Variants in ADGRL2 observed in about 807,000 individuals in gnomAD.
ADGRL2 encodes the protein calcium-independent alpha-latrotoxin receptor 2.
In ADGRL2, 44 loss-of-function variants were observed where a neutral mutation model predicts 157.4. The ratio of observed to expected loss-of-function variants is 0.28; its 90% CI spans 0.22 to 0.36. ADGRL2 has a LOEUF of 0.36. ADGRL2 is among the 10% of genes least tolerant of loss of function. The pLI, the probability that ADGRL2 is intolerant of heterozygous loss-of-function variation, is 1.00. For synonymous variants in ADGRL2, 585 were observed against 624.7 expected (o/e 0.94, Z 0.95); for missense variants, 1,510 against 1,768.9 (o/e 0.85, Z 2.63).
At position 81,550,266 on chromosome 1, in the gene ADGRL2, A is replaced by G. The variant is rs74098410; in HGVS notation, c.-247-30610A>G. ...TTTGTATAATTCTTAACAATTTGCAAAGCCTTTTGTAAAGCTAGAATCTCA... is the reference window on the plus strand; with the variant it reads ...TTTGTATAATTCTTAACAATTTGCAGAGCCTTTTGTAAAGCTAGAATCTCA... On this transcript the variant is annotated intron_variant, in intron 2 of 24. Coordinates refer to the ADGRL2 transcript ENST00000370721. Among the ~76,000 whole-genome samples the G allele has an allele frequency of 3.3e-3, 505 of 152,312 alleles. 3 individuals are homozygous for G. The highest frequency in any genetic ancestry group is 0.012 in the African/African-American group (479 of 41,584).
At chr1:81,818,130 A>G (rs559864095) in intron 1 of ADGRL2, among the ~76,000 whole-genome samples, 3 of 151,990 alleles carry the variant, frequency 2.0e-5, no homozygotes, top group African/African-American at 7.3e-5. Flanking sequence ...CAATCTTGCT[A>G]CTACACTCCA....
At chr1:81,801,316 G>A (rs554132656) in intron 1 of ADGRL2, among the ~76,000 whole-genome samples, 8 of 152,280 alleles carry the variant, frequency 5.3e-5, no homozygotes, top group African/African-American at 1.7e-4. Context: ...CCAACTGGCG[G>A]GGAGGGCGGA....
intron 1 of ADGRL2, among the ~76,000 whole-genome samples, chr1:81,312,561 T>G (rs1659830557): frequency 6.6e-6 from 1 of 152,232 alleles, no homozygotes; most frequent in Non-Finnish European, 1.5e-5. Context: ...ACATATGGAT[T>G]TTCTACCCAT....
intron 1 of ADGRL2, among the ~76,000 whole-genome samples, chr1:81,311,137 A>G (rs1051977698): frequency 2.6e-5 from 4 of 152,226 alleles, no homozygotes; most frequent in Non-Finnish European, 5.9e-5. Flanking sequence ...TAGACTGGAC[A>G]GTTAACATAT....
chr1:81,888,688 G>A lies in ADGRL2; in HGVS notation c.74-18329G>A, dbSNP rs1362845430. On this transcript the variant is annotated intron_variant, in intron 2 of 23. Coordinates refer to ENST00000686636, the MANE Select transcript of ADGRL2 (RefSeq NM_001366006.2). ...AGGATGTTCTCGATCTCCTGACCTCGTGATCTGCCCCCCTTGGCCTCCCAA... is the reference window on the plus strand; with the variant it reads ...AGGATGTTCTCGATCTCCTGACCTCATGATCTGCCCCCCTTGGCCTCCCAA... 3.9e-5 allele frequency among the ~76,000 whole-genome samples: 6 copies of A among 152,174 alleles called. No homozygotes were observed. The South Asian group carries it at 8.3e-4, about 21-fold the overall frequency.
intron 2 of ADGRL2, among the ~76,000 whole-genome samples, chr1:81,536,692 A>G (rs1306568923): frequency 6.6e-6 from 1 of 152,088 alleles, no homozygotes; most frequent in Non-Finnish European, 1.5e-5. Flanking sequence ...TTTGTTTTTA[A>G]CAAACATGAT....
intron 2 of ADGRL2, among the ~76,000 whole-genome samples, chr1:81,508,465 C>T (rs1174814796): frequency 1.3e-5 from 2 of 152,220 alleles, no homozygotes; most frequent in East Asian, 1.9e-4. Context: ...GCTCATGAGG[C>T]ATTACAAACG....
chr1:81,830,203 C>T (rs61773938), intron 1 of ADGRL2, among the ~76,000 whole-genome samples: 7,418 of 152,082 alleles, frequency 0.049, 241 homozygotes, highest in South Asian at 0.083. Flanking sequence ...AACACAGGAC[C>T]AGTTAATACA....
intron 2 of ADGRL2, among the ~76,000 whole-genome samples, chr1:81,446,221 C>A (rs1205343450): frequency 6.6e-6 from 1 of 152,144 alleles, no homozygotes; most frequent in Admixed American, 6.5e-5. Context: ...GGGGTGCCTG[C>A]CAGCCCGGCG....
chr1:81,651,062 A>C (rs2082410270), intron 3 of ADGRL2, among the ~76,000 whole-genome samples: 1 of 152,206 alleles, frequency 6.6e-6, no homozygotes, highest in Admixed American at 6.5e-5. Context: ...TTACAGAAAA[A>C]TCCAAGCTGT....
intron 9 of ADGRL2, 72 bp from the exon 10 acceptor site, chr1:81,952,915 A>G: frequency 1.6e-6 from 2 of 1,232,206 alleles, no homozygotes; most frequent in South Asian, 1.2e-5. Flanking sequence ...TTAATTTTTG[A>G]GGATTTCTTC....
At chr1:81,512,057 A>G (rs1330812102) in intron 2 of ADGRL2, among the ~76,000 whole-genome samples, 1 of 152,144 alleles carries the variant, frequency 6.6e-6, no homozygotes, top group Non-Finnish European at 1.5e-5. Context: ...GTGCTAAAAG[A>G]GCAAATGAGG....
intron 2 of ADGRL2, among the ~76,000 whole-genome samples, chr1:81,462,257 A>G (rs935608569): frequency 2.0e-5 from 3 of 152,186 alleles, no homozygotes; most frequent in African/African-American, 7.2e-5. Flanking sequence ...GCCGTGCCAA[A>G]TAAGAGAATA....
At chr1:81,838,866 A>G (rs957063272) in intron 2 of ADGRL2, among the ~76,000 whole-genome samples, 1 of 152,042 alleles carries the variant, frequency 6.6e-6, no homozygotes, top group Admixed American at 6.6e-5. Context: ...TCATCAGGCC[A>G]GGGGGTATTG....
intron 3 of ADGRL2, among the ~76,000 whole-genome samples, chr1:81,685,089 T>C (rs372821414): frequency 2.3e-4 from 35 of 152,318 alleles, no homozygotes; most frequent in South Asian, 1.0e-3. Flanking sequence ...GATTTGTTCT[T>C]TTTGCTTAGT....
At chr1:81,340,435 A>G (rs561489344) in intron 1 of ADGRL2, among the ~76,000 whole-genome samples, 1 of 152,014 alleles carries the variant, frequency 6.6e-6, no homozygotes, top group South Asian at 2.1e-4. Flanking sequence ...TACAGAAGCA[A>G]TTTTTTCTCT....
chr1:81,860,875 T>C (rs745473159), intron 2 of ADGRL2, among the ~76,000 whole-genome samples: 4 of 152,218 alleles, frequency 2.6e-5, no homozygotes, highest in Non-Finnish European at 5.9e-5. Flanking sequence ...TGTTTTCATT[T>C]TATCTTATGA....
chr1:81,426,681 G>A (rs1307338114), intron 1 of ADGRL2: 3 of 469,612 alleles, frequency 6.4e-6, no homozygotes, highest in East Asian at 5.5e-5. Context: ...AAACGTTCCA[G>A]GGGGTTTGGT....
intron 1 of ADGRL2, among the ~76,000 whole-genome samples, chr1:81,804,198 GGT>G: frequency 6.6e-6 from 1 of 152,216 alleles, no homozygotes; most frequent in Non-Finnish European, 1.5e-5. Flanking sequence ...CTTCTGTCCA[GGT>G]GTGTTATGGA....
Sources: allele counts gnomAD v4.1 joint callset (sites outside exome capture counted in the v4.1 genomes callset), GRCh38; gene constraint gnomAD v4.1.1; transcripts MANE v1.5; gene names NCBI Gene and HGNC (gene_info 2026-07-23, HGNC 2026-07-21).